Variants in SNTG1 observed in about 807,000 individuals in gnomAD.
SNTG1 encodes gamma-1-syntrophin.
A neutral mutation model predicts 74.7 loss-of-function variants in SNTG1; 39 were observed. That is an observed-to-expected ratio of 0.52 (90% CI 0.40 to 0.68). The LOEUF (loss-of-function observed/expected upper bound fraction) is 0.68. Among genes scored for constraint, SNTG1 ranks in the 30% least tolerant of loss-of-function variants. The probability of loss-of-function intolerance (pLI) is 0.00; values close to 1 mark genes in which losing one functional copy is unlikely to be tolerated. For synonymous variants in SNTG1, 254 were observed against 217.1 expected (o/e 1.17, Z -1.49); for missense variants, 685 against 609.5 (o/e 1.12, Z -1.30).
Position 50,794,618 on chromosome 8 carries a change from A to G in SNTG1, c.*1789A>G, listed in dbSNP as rs1343846477. ...AAACCCACCAAAAGCAGCCTTCAGT[A>G]GTAGGCCACTTCTGAACTTATGGAG... is the stretch of plus-strand genomic sequence containing the variant. On this transcript the variant is annotated 3_prime_UTR_variant, in exon 19 of 19. Transcript: ENST00000642720. 1 of 152,026 alleles carries G rather than the reference A, an allele frequency of 6.6e-6. No individual in the cohort carries two copies. The highest frequency in any genetic ancestry group is 2.1e-4 in the South Asian group (1 of 4,836). 9.4% of individuals were successfully genotyped at this position (152,026 alleles called of 1,614,324 possible).
At chr8:50,750,800 A>G (rs1156768759) in intron 17 of SNTG1, among the ~76,000 whole-genome samples, 2 of 152,056 alleles carry the variant, frequency 1.3e-5, no homozygotes, top group African/African-American at 4.8e-5. Flanking sequence ...TCACTTTTAT[A>G]TGCATTGGGG....
chr8:50,165,759 A>G (rs1265174554), intron 1 of SNTG1, among the ~76,000 whole-genome samples: 3 of 152,200 alleles, frequency 2.0e-5, no homozygotes, highest in Admixed American at 6.5e-5. Context: ...ATATGTTGAT[A>G]CATACATTTG....
At chr8:50,262,542 G>A (rs182921614) in intron 2 of SNTG1, among the ~76,000 whole-genome samples, 28 of 152,148 alleles carry the variant, frequency 1.8e-4, no homozygotes, top group African/African-American at 6.0e-4. Flanking sequence ...CAGAGTAGCT[G>A]GGACTACAGG....
chr8:50,064,875 C>T (rs1820776313), intron 1 of SNTG1, among the ~76,000 whole-genome samples: 1 of 152,180 alleles, frequency 6.6e-6, no homozygotes, highest in Non-Finnish European at 1.5e-5. Flanking sequence ...TCCACATCAC[C>T]ATGTTTTATT....
At chr8:50,216,552 T>C (rs1305409419) in intron 2 of SNTG1, among the ~76,000 whole-genome samples, 2 of 152,162 alleles carry the variant, frequency 1.3e-5, no homozygotes, top group Non-Finnish European at 2.9e-5. Context: ...CACATCCTTT[T>C]GTTATAAATT....
intron 1 of SNTG1, among the ~76,000 whole-genome samples, chr8:49,999,291 C>T (rs1814527658): frequency 6.6e-6 from 1 of 152,172 alleles, no homozygotes; most frequent in East Asian, 1.9e-4. Flanking sequence ...TTTTCTCCCT[C>T]TACATTTACA....
At chr8:50,272,933 A>G (rs1017789734) in intron 2 of SNTG1, among the ~76,000 whole-genome samples, 31 of 151,268 alleles carry the variant, frequency 2.0e-4, no homozygotes, top group African/African-American at 6.5e-4. Flanking sequence ...TTCTAGAGAC[A>G]GAGTCTCGCT....
At chr8:50,304,034 C>T (rs1028633826) in intron 2 of SNTG1, among the ~76,000 whole-genome samples, 4 of 152,038 alleles carry the variant, frequency 2.6e-5, no homozygotes, top group African/African-American at 9.7e-5. Flanking sequence ...GTTTCAATGT[C>T]CACTCCAAAA....
rs1358437046 is a variant in SNTG1, at chr8:50,779,572, G to A, written c.1396-13099G>A. Among the ~76,000 whole-genome samples the A allele has an allele frequency of 7.2e-5, 11 of 152,254 alleles. No homozygotes were observed. The South Asian group carries it at 8.3e-4, about 11-fold the overall frequency. ...TGATTTTGTATCCTGAGACTTTGCC[G>A]AAGTTGCTTATCAGCTTAAGGAGAT... On this transcript the variant is annotated intron_variant, in intron 18 of 18. Coordinates refer to ENST00000642720, the MANE Select transcript of SNTG1 (RefSeq NM_018967.5).
intron 12 of SNTG1, among the ~76,000 whole-genome samples, chr8:50,587,240 G>A (rs1027000831): frequency 1.3e-5 from 2 of 151,358 alleles, no homozygotes; most frequent in African/African-American, 4.9e-5. Flanking sequence ...ATATATGTAT[G>A]TATGCATATA....
At chr8:50,009,560 G>T (rs144579602) in intron 1 of SNTG1, among the ~76,000 whole-genome samples, 38 of 152,086 alleles carry the variant, frequency 2.5e-4, no homozygotes, top group Non-Finnish European at 4.9e-4. Flanking sequence ...ACAAGTTCTT[G>T]TCATAGCCAT....
At chr8:50,090,803 T>G (rs2079701953) in intron 1 of SNTG1, among the ~76,000 whole-genome samples, 1 of 152,034 alleles carries the variant, frequency 6.6e-6, no homozygotes, top group South Asian at 2.1e-4. Flanking sequence ...AGTTAGAACC[T>G]GAGACACAAA....
At chr8:50,419,066 G>T (rs898704010) in intron 4 of SNTG1, among the ~76,000 whole-genome samples, 1 of 152,050 alleles carries the variant, frequency 6.6e-6, no homozygotes, top group Non-Finnish European at 1.5e-5. Context: ...AGGTTGGCTT[G>T]GGATTTTAGG....
At chr8:50,387,735 C>T (rs909925187) in intron 2 of SNTG1, among the ~76,000 whole-genome samples, 3 of 152,170 alleles carry the variant, frequency 2.0e-5, no homozygotes, top group African/African-American at 7.2e-5. Context: ...AAGTGGAACA[C>T]ACGTTTAATG....
At chr8:50,475,979 T>G (rs1018249091) in intron 8 of SNTG1, among the ~76,000 whole-genome samples, 1 of 152,186 alleles carries the variant, frequency 6.6e-6, no homozygotes, top group Non-Finnish European at 1.5e-5. Flanking sequence ...TGCACTGCTC[T>G]GAGTAGCATG....
At chr8:50,516,718 AATAAAGT>A (rs2130070155) in intron 9 of SNTG1, among the ~76,000 whole-genome samples, 1 of 152,334 alleles carries the variant, frequency 6.6e-6, no homozygotes, top group East Asian at 1.9e-4. Flanking sequence ...AACTTAATGA[AATAAAGT>A]ATAAAGACAA....
intron 1 of SNTG1, among the ~76,000 whole-genome samples, chr8:50,000,343 G>T (rs568858360): frequency 1.3e-5 from 2 of 152,156 alleles, no homozygotes; most frequent in Non-Finnish European, 2.9e-5. Flanking sequence ...AATCTATCAA[G>T]CTCTATTCCT....
At chr8:50,331,279 G>A (rs570202837) in intron 2 of SNTG1, among the ~76,000 whole-genome samples, 11 of 152,246 alleles carry the variant, frequency 7.2e-5, no homozygotes, top group African/African-American at 2.6e-4. Flanking sequence ...TGGGGCTGGT[G>A]TACCCTCTAA....
At chr8:50,029,121 A>AT (rs1817530065) in intron 1 of SNTG1, among the ~76,000 whole-genome samples, 1 of 151,764 alleles carries the variant, frequency 6.6e-6, no homozygotes, top group South Asian at 2.1e-4. Flanking sequence ...GATGGAGTCC[A>AT]TTTTTCAATG....
Sources: gnomAD v4.1 joint callset for allele counts (sites outside exome capture counted in the v4.1 genomes callset) on GRCh38, gnomAD v4.1.1 for gene constraint, MANE v1.5 for transcripts, NCBI Gene and HGNC (gene_info 2026-07-23, HGNC 2026-07-21) for gene names.